ZNF678: variants seen among roughly 807,000 people sequenced by gnomAD.
ZNF678 encodes hypothetical protein MGC42493.
A neutral mutation model predicts 3.0 loss-of-function variants in ZNF678; 5 were observed. The ratio of observed to expected loss-of-function variants is 1.69; its 90% confidence interval spans 0.88 to 3.56. ZNF678 has a LOEUF of 3.56. Among genes scored for constraint, ZNF678 ranks in the 30% most tolerant of loss-of-function variants. ZNF678 has a pLI of 0.00. For synonymous variants in ZNF678, 218 were observed against 199.6 expected (o/e 1.09, Z -0.78); for missense variants, 593 against 605.0 (o/e 0.98, Z 0.21).
At chr1:227,613,422 C>G (rs921141086) in intron 1 of ZNF678, among the ~76,000 whole-genome samples, 2 of 152,198 alleles carry the variant, frequency 1.3e-5, no homozygotes, top group Non-Finnish European at 2.9e-5. Context: ...TCATTAAGGT[C>G]TCTGCACTTC....
chr1:227,605,683 CTTTAT>C (rs1657848343), intron 1 of ZNF678, among the ~76,000 whole-genome samples: 1 of 152,128 alleles, frequency 6.6e-6, no homozygotes, highest in East Asian at 1.9e-4. Context: ...ACATCTTGAT[CTTTAT>C]TTTATTATGA....
intron 1 of ZNF678, among the ~76,000 whole-genome samples, chr1:227,621,634 G>A (rs913125766): frequency 6.6e-5 from 10 of 152,152 alleles, no homozygotes; most frequent in African/African-American, 2.4e-4. Context: ...CTGTAGATTA[G>A]TGTGAGTGTG....
intron 1 of ZNF678, among the ~76,000 whole-genome samples, chr1:227,577,248 A>C (rs372702538): frequency 6.6e-6 from 1 of 152,194 alleles, no homozygotes; most frequent in African/African-American, 2.4e-5. Context: ...GTGGATATCT[A>C]TCAGGTCCAT....
intron 1 of ZNF678, among the ~76,000 whole-genome samples, chr1:227,643,169 G>T (rs969540714): frequency 3.4e-4 from 52 of 151,558 alleles, no homozygotes; most frequent in African/African-American, 5.3e-4. Context: ...TTAGTAGTAG[G>T]AGGAGGAGGA....
intron 5 of ZNF678, among the ~76,000 whole-genome samples, chr1:227,667,473 A>G (rs371591145): frequency 4.6e-5 from 7 of 152,322 alleles, no homozygotes; most frequent in African/African-American, 1.4e-4. Flanking sequence ...TTCACAGGCT[A>G]CAGATGAGCC....
intron 1 of ZNF678, among the ~76,000 whole-genome samples, chr1:227,613,231 C>A (rs566473380): frequency 2.0e-4 from 31 of 152,308 alleles, no homozygotes; most frequent in Admixed American, 5.9e-4. Context: ...CACCTTTCAA[C>A]TTTTCTGCAT....
intron 1 of ZNF678, among the ~76,000 whole-genome samples, chr1:227,629,670 C>G (rs1026065336): frequency 6.6e-6 from 1 of 152,220 alleles, no homozygotes; most frequent in African/African-American, 2.4e-5. Context: ...GCGCTTGCCC[C>G]GGGAACCCTC....
Position 227,658,935 on chromosome 1 carries a change from C to A in ZNF678, c.*3107C>A, listed in dbSNP as rs1240098327. 6.6e-6 allele frequency: 1 copy of A among 151,902 alleles called. No homozygotes were observed. The highest frequency in any genetic ancestry group is 2.4e-5 in the African/African-American group (1 of 41,382). 9.4% of individuals were successfully genotyped at this position (151,902 alleles called of 1,614,324 possible). A position where few individuals can be genotyped will look rare whatever the true frequency, so the allele number is the denominator to read the frequency against. ...TCATAATCACTATATAAAGAAACAT[C>A]AGAATTTGGAAACCCCTTAAGCAAA... On this transcript the variant is annotated 3_prime_UTR_variant, in exon 4 of 4. Coordinates refer to ENST00000343776, the MANE Select transcript of ZNF678 (RefSeq NM_001367909.1).
intron 1 of ZNF678, among the ~76,000 whole-genome samples, chr1:227,589,912 T>C (rs111779658): frequency 0.017 from 2,574 of 151,886 alleles, 104 homozygotes; most frequent in South Asian, 0.057. Context: ...AGTCTCCTCC[T>C]TTATTCCCCC....
intron 5 of ZNF678, among the ~76,000 whole-genome samples, chr1:227,671,516 A>G (rs531865642): frequency 1.7e-4 from 26 of 152,148 alleles, no homozygotes; most frequent in African/African-American, 6.0e-4. Context: ...CTACACAATC[A>G]TTGTTTGCCA....
chr1:227,671,354 ATATTTGCAATTCTGCCC>A (rs375754638), intron 5 of ZNF678, among the ~76,000 whole-genome samples: 149 of 152,104 alleles, frequency 9.8e-4, no homozygotes, highest in African/African-American at 3.5e-3. Flanking sequence ...ATGTCCCGCC[ATATTTGCAATTCTGCCC>A]TATTTGCAAT....
intron 1 of ZNF678, among the ~76,000 whole-genome samples, chr1:227,584,962 A>G (rs1468605451): frequency 6.6e-6 from 1 of 152,264 alleles, no homozygotes; most frequent in African/African-American, 2.4e-5. Flanking sequence ...AAGTTTATAG[A>G]TGGGCCTAGA....
chr1:227,616,129 G>A (rs1362320793), intron 1 of ZNF678, among the ~76,000 whole-genome samples: 2 of 152,168 alleles, frequency 1.3e-5, no homozygotes, highest in Non-Finnish European at 2.9e-5. Context: ...CCAAGAGGCC[G>A]TGGTGGTCCT....
In ZNF678 at chr1:227,660,439, A is replaced by G. The variant is rs756018317; in HGVS notation, c.*4611A>G. 6 of 151,928 alleles carry G rather than the reference A, an allele frequency of 3.9e-5. No homozygotes were observed. Among genetic ancestry groups the G allele is most frequent in the Non-Finnish European group, 8.8e-5 (6 of 67,938 alleles). The allele number at this position is 151,928 out of a possible 1,614,324, so 9.4% of individuals were successfully genotyped here. ...GTTTTCTTTAGCTTTTAATGTAGAG[A>G]TCTTTAACATTTTTGAATAATTTTA... On this transcript the variant is annotated 3_prime_UTR_variant, in exon 4 of 4. Coordinates refer to ENST00000343776, the MANE Select transcript of ZNF678 (RefSeq NM_001367909.1).
At chr1:227,673,441 ATTGG>A (rs1659634078) in intron 5 of ZNF678, among the ~76,000 whole-genome samples, 1 of 152,230 alleles carries the variant, frequency 6.6e-6, no homozygotes, top group African/African-American at 2.4e-5. Flanking sequence ...ATAAAACAAA[ATTGG>A]AGGGAGGTCT....
At chr1:227,591,478 T>C (rs1657411984) in intron 1 of ZNF678, among the ~76,000 whole-genome samples, 1 of 152,178 alleles carries the variant, frequency 6.6e-6, no homozygotes, top group African/African-American at 2.4e-5. Context: ...ATAGCCTCTT[T>C]CCTAATTAAG....
intron 1 of ZNF678, among the ~76,000 whole-genome samples, chr1:227,584,000 G>A (rs1188592072): frequency 6.6e-6 from 1 of 152,190 alleles, no homozygotes. Flanking sequence ...AAGACCTCAA[G>A]TGAGCTAAGA....
chr1:227,606,158 G>A (rs1657862361), intron 1 of ZNF678, among the ~76,000 whole-genome samples: 1 of 152,112 alleles, frequency 6.6e-6, no homozygotes, highest in Non-Finnish European at 1.5e-5. Context: ...AGCATGCAAG[G>A]ACCTGCACCG....
intron 1 of ZNF678, among the ~76,000 whole-genome samples, chr1:227,597,032 A>G (rs749370775): frequency 6.6e-6 from 1 of 152,228 alleles, no homozygotes. Flanking sequence ...CATAATTAAG[A>G]TATAACTGAA....
Sources: allele counts gnomAD v4.1 joint callset (sites outside exome capture counted in the v4.1 genomes callset), GRCh38; gene constraint gnomAD v4.1.1; transcripts MANE v1.5; gene names NCBI Gene and HGNC (gene_info 2026-07-23, HGNC 2026-07-21).